MEGF6: variants seen among roughly 807,000 people sequenced by gnomAD.
MEGF6 encodes the protein multiple epidermal growth factor-like domains protein 6.
MEGF6 carries 184 observed loss-of-function variants against 207.1 expected under a neutral mutation model. The ratio of observed to expected loss-of-function variants is 0.89; its 90% CI spans 0.79 to 1.00. MEGF6 has a LOEUF of 1.00. Among genes scored for constraint, MEGF6 ranks in the 50% least tolerant of loss-of-function variants. The pLI is 0.00. For synonymous variants in MEGF6, 1,038 were observed against 910.0 expected (o/e 1.14, Z -2.53); for missense variants, 2,282 against 2,202.9 (o/e 1.04, Z -0.72).
Position 3,499,895 on chromosome 1 carries a change from A to G in MEGF6, c.2737T>C (p.Cys913Arg). Residue 913 changes from cysteine (C) to arginine (R), a missense_variant, in exon 22 of 37, where the codon TGT becomes CGT. Physicochemically the swap from Cys to Arg is radical, Grantham distance 180 (BLOSUM62 -3). Transcript: ENST00000356575. ...TGCTGACACTGGCACCGCTGCTCAC[A>G]GCCGGGCCCAAAGTGGCCCTGGGGA... ...QCPQGHFGPG[C>R]EQRCQCQHGA... The G allele has an allele frequency of 1.3e-6, 2 of 1,561,678 alleles. No individual in the cohort carries two copies. The highest frequency in any genetic ancestry group is 1.7e-6 in the Non-Finnish European group (2 of 1,153,818).
chr1:3,588,594 T>C (rs971583331), intron 3 of MEGF6, among the ~76,000 whole-genome samples: 2 of 150,880 alleles, frequency 1.3e-5, no homozygotes, highest in African/African-American at 4.9e-5. Context: ...AAGCTCTGGG[T>C]AGTCGCACTG....
At chr1:3,617,036 G>A in the MEGF6 span, among the ~76,000 whole-genome samples, 5 of 151,740 alleles carry the variant, frequency 3.3e-5, no homozygotes, top group South Asian at 2.1e-4. Context: ...GGGCTGCGGC[G>A]TGCAGGCTTC....
the MEGF6 span, among the ~76,000 whole-genome samples, chr1:3,622,164 T>C: frequency 1.7e-4 from 26 of 152,234 alleles, no homozygotes; most frequent in African/African-American, 6.3e-4. Context: ...AATGATATGG[T>C]TTAGCTGTGT....
chr1:3,509,702 G>A (rs988562277), intron 11 of MEGF6, among the ~76,000 whole-genome samples, 168 bp downstream of exon 11: 1 of 152,216 alleles, frequency 6.6e-6, no homozygotes, highest in East Asian at 1.9e-4. Context: ...ACCTCAGTGG[G>A]TCCCCAAGGG....
At chr1:3,500,603 G>A in intron 21 of MEGF6, 30 bp downstream of exon 21, 1 of 1,538,378 alleles carries the variant, frequency 6.5e-7, no homozygotes, top group Non-Finnish European at 8.8e-7. Flanking sequence ...ACTCAGGAGG[G>A]TGGCAGCCAA....
chr1:3,543,353 C>G (rs931187433), intron 4 of MEGF6, among the ~76,000 whole-genome samples: 1 of 152,252 alleles, frequency 6.6e-6, no homozygotes, highest in East Asian at 1.9e-4. Context: ...CTGAGCAGCC[C>G]GAACCCTGCG....
rs117554496 is a variant in MEGF6, at chr1:3,519,682, C to T, written c.605-4155G>A. On this transcript the variant is annotated intron_variant, in intron 5 of 36. Coordinates refer to ENST00000356575, the MANE Select transcript of MEGF6 (RefSeq NM_001409.4). ...CAGTGCCCGGCTCCAGCACACCAGG[C>T]GGCGGTCAGAGGGCAGCAAGGCGGC... Among the ~76,000 whole-genome samples, 49 of 152,358 alleles carry T rather than the reference C, an allele frequency of 3.2e-4. No homozygotes were observed. The East Asian group carries it at 8.9e-3, about 28-fold the overall frequency.
intron 5 of MEGF6, among the ~76,000 whole-genome samples, chr1:3,523,086 C>A (rs1641823884): frequency 6.9e-6 from 1 of 144,996 alleles, no homozygotes; most frequent in South Asian, 2.2e-4. Flanking sequence ...GGGGGGGGGC[C>A]CCAGGGCTGG....
intron 3 of MEGF6, among the ~76,000 whole-genome samples, chr1:3,593,472 C>G (rs1430680027): frequency 6.7e-6 from 1 of 149,760 alleles, no homozygotes; most frequent in African/African-American, 2.5e-5. Flanking sequence ...GCACCCCCAC[C>G]CCCGCCCCAG....
At chr1:3,506,425 C>G (rs1185430948) in intron 14 of MEGF6, among the ~76,000 whole-genome samples, 189 bp from the exon 15 acceptor site, 1 of 152,184 alleles carries the variant, frequency 6.6e-6, no homozygotes, top group Non-Finnish European at 1.5e-5. Flanking sequence ...ACATCCCCTG[C>G]CCCCAGGGTT....
chr1:3,582,707 C>T (rs771045600), intron 3 of MEGF6, among the ~76,000 whole-genome samples: 1 of 152,232 alleles, frequency 6.6e-6, no homozygotes, highest in Non-Finnish European at 1.5e-5. Flanking sequence ...TCACCCCAGA[C>T]TCAGCTCTCC....
intron 4 of MEGF6, among the ~76,000 whole-genome samples, chr1:3,546,580 TGA>T (rs1642711773): frequency 1.0e-4 from 7 of 68,998 alleles, no homozygotes; most frequent in Admixed American, 1.4e-4. Flanking sequence ...GGGAGGCCGC[TGA>T]GGCGGGGTGG....
chr1:3,582,106 A>C (rs1211889670), intron 3 of MEGF6, among the ~76,000 whole-genome samples: 3 of 152,194 alleles, frequency 2.0e-5, no homozygotes, highest in Non-Finnish European at 2.9e-5. Context: ...CCTACCACAG[A>C]TGCACCCAGC....
chr1:3,530,819 T>G (rs1642129354), intron 4 of MEGF6, among the ~76,000 whole-genome samples: 1 of 152,174 alleles, frequency 6.6e-6, no homozygotes, highest in South Asian at 2.1e-4. Flanking sequence ...AGTCAGGGGA[T>G]GTTTTTCTTT....
intron 4 of MEGF6, among the ~76,000 whole-genome samples, chr1:3,538,696 C>CTGTGTGTGTGTGTGTGTGTGTGTGTG (rs57325073): frequency 7.6e-5 from 10 of 132,106 alleles, no homozygotes; most frequent in East Asian, 2.5e-4. Flanking sequence ...GAGCATGTGC[C>CTGTGTGTGTGTGTGTGTGTGTGTGTG]TGTGTGTGTG....
intron 5 of MEGF6, among the ~76,000 whole-genome samples, chr1:3,523,366 G>A (rs531917952): frequency 6.6e-6 from 1 of 152,138 alleles, no homozygotes; most frequent in African/African-American, 2.4e-5. Context: ...AGATTCCTGG[G>A]CTCCAGCCCC....
In MEGF6 at chr1:3,578,219, G is replaced by A. The variant is rs541843721; in HGVS notation, c.481+1606C>T. Among the ~76,000 whole-genome samples, 9 of 152,308 alleles carry A rather than the reference G, an allele frequency of 5.9e-5. 1 individual carries two copies. The highest frequency in any genetic ancestry group is 1.3e-4 in the Non-Finnish European group (9 of 68,018). The stretch of plus-strand genomic sequence containing the variant: ...TGGCCGACCAGTGAGCCACAGCCCC[G>A]TCCCGGAAACCTCCCCAGCCTGCCC... On this transcript the variant is annotated intron_variant, in intron 4 of 36. Coordinates refer to ENST00000356575, the MANE Select transcript of MEGF6 (RefSeq NM_001409.4).
chr1:3,584,602 C>T (rs1296915052), intron 3 of MEGF6, among the ~76,000 whole-genome samples: 4 of 152,222 alleles, frequency 2.6e-5, no homozygotes, highest in Admixed American at 2.0e-4. Flanking sequence ...CACGTCTGTG[C>T]CTCATGGCCT....
At chr1:3,536,975 G>A (rs1000409448) in intron 4 of MEGF6, among the ~76,000 whole-genome samples, 3 of 152,276 alleles carry the variant, frequency 2.0e-5, no homozygotes, top group African/African-American at 4.8e-5. Context: ...CGGCTCAGGC[G>A]CCTGGACACG....
Sources: allele counts gnomAD v4.1 joint callset (sites outside exome capture counted in the v4.1 genomes callset), GRCh38; gene constraint gnomAD v4.1.1; transcripts MANE v1.5; gene names NCBI Gene and HGNC (gene_info 2026-07-23, HGNC 2026-07-21).